The following NIBAN1 variants were observed in gnomAD, a reference collection of about 807,000 sequenced individuals.
NIBAN1 encodes the protein niban apoptosis regulator 1, also known as protein Niban 1.
In NIBAN1, 81 loss-of-function variants were observed where a neutral mutation model predicts 75.1. The observed-to-expected ratio is 1.08, with a 90% CI of 0.90 to 1.30. NIBAN1 has a LOEUF of 1.30. Ranked by LOEUF, NIBAN1 falls within the 50% of genes most tolerant of loss-of-function variation. NIBAN1 has a pLI of 0.00. For missense variants in NIBAN1, 1,133 were observed against 1,128.1 expected, an observed-to-expected ratio of 1.00 and a Z score of -0.06; for synonymous variants, 436 against 424.8, an observed-to-expected ratio of 1.03 and a Z score of -0.32.
intron 13 of NIBAN1, among the ~76,000 whole-genome samples, chr1:184,797,476 C>T (rs1216484421): frequency 9.2e-5 from 14 of 151,982 alleles, no homozygotes; most frequent in Non-Finnish European, 1.9e-4. Flanking sequence ...TTTTCCTATC[C>T]ACAATCCAAT....
chr1:184,928,723 C>T (rs1657746285), intron 1 of NIBAN1, among the ~76,000 whole-genome samples: 1 of 152,152 alleles, frequency 6.6e-6, no homozygotes, highest in South Asian at 2.1e-4. Context: ...GTGGTATAGG[C>T]AATTCAAGAC....
intron 6 of NIBAN1, among the ~76,000 whole-genome samples, chr1:184,825,483 A>T (rs1654818864): frequency 1.3e-5 from 2 of 152,204 alleles, no homozygotes; most frequent in African/African-American, 4.8e-5. Flanking sequence ...TATTTGGAAC[A>T]TTTATGGGAG....
intron 1 of NIBAN1, among the ~76,000 whole-genome samples, chr1:184,905,544 C>A (rs777309880): frequency 6.6e-6 from 1 of 152,170 alleles, no homozygotes; most frequent in Non-Finnish European, 1.5e-5. Flanking sequence ...TTTCACTCAA[C>A]TTAAGCCTTC....
intron 8 of NIBAN1, among the ~76,000 whole-genome samples, chr1:184,820,793 T>G (rs1445840491): frequency 6.6e-6 from 1 of 152,268 alleles, no homozygotes; most frequent in Non-Finnish European, 1.5e-5. Context: ...AATTTCTGCC[T>G]CAGTATTATC....
At chr1:184,801,349 G>A (rs1036698512) in intron 12 of NIBAN1, among the ~76,000 whole-genome samples, 2 of 152,176 alleles carry the variant, frequency 1.3e-5, no homozygotes, top group African/African-American at 4.8e-5. Flanking sequence ...AGGGTCTAGA[G>A]GCAGGACTGT....
At chr1:184,910,081 A>C (rs571712798) in intron 1 of NIBAN1, among the ~76,000 whole-genome samples, 3 of 152,278 alleles carry the variant, frequency 2.0e-5, no homozygotes, top group African/African-American at 7.2e-5. Flanking sequence ...GAGTTCACCT[A>C]GCACTTAATA....
intron 1 of NIBAN1, among the ~76,000 whole-genome samples, chr1:184,900,428 TCTTTGGATCTG>T (rs2101990144): frequency 6.6e-6 from 1 of 152,312 alleles, no homozygotes; most frequent in African/African-American, 2.4e-5. Flanking sequence ...TCTACACATT[TCTTTGGATCTG>T]CATGCCATTG....
chr1:184,795,546 C>T lies in NIBAN1; in HGVS notation c.2218G>A (p.Val740Ile), dbSNP rs140276880. ...TCTTCTTCTTCATTTTCTTGGGGAA[C>T]GTGGCTCTCCCCATTCGTATCTTCT... ...MEEDTNGESH[V>I]PQENEEEEEK... Residue 740 changes from valine (V) to isoleucine (I), a missense_variant, in exon 14 of 14, where the codon GTT becomes ATT. Val to Ile is a conservative substitution (Grantham distance 29, BLOSUM62 3). Coordinates refer to ENST00000367511, the MANE Select transcript of NIBAN1 (RefSeq NM_052966.4). The T allele has an allele frequency of 1.7e-4, 280 of 1,614,002 alleles. No individual in the cohort carries two copies. Among genetic ancestry groups the T allele is most frequent in the Admixed American group, 2.2e-4 (13 of 60,004 alleles).
At chr1:184,945,452 T>A (rs1658196859) in intron 1 of NIBAN1, among the ~76,000 whole-genome samples, 1 of 152,236 alleles carries the variant, frequency 6.6e-6, no homozygotes, top group Admixed American at 6.5e-5. Flanking sequence ...CTAGATGGAT[T>A]CTGTCATCAG....
chr1:184,889,231 G>A (rs1002995811), intron 4 of NIBAN1, among the ~76,000 whole-genome samples: 3 of 152,142 alleles, frequency 2.0e-5, no homozygotes, highest in African/African-American at 7.2e-5. Flanking sequence ...GAGAATCAAA[G>A]AAGGTTAGAC....
At chr1:184,885,256 C>G (rs234663) in intron 4 of NIBAN1, among the ~76,000 whole-genome samples, 63,068 of 151,840 alleles carry the variant, frequency 0.42, 13,235 homozygotes, top group South Asian at 0.5. Flanking sequence ...ACCTTGTTGG[C>G]CAGGCTCCTG....
intron 5 of NIBAN1, among the ~76,000 whole-genome samples, chr1:184,841,462 A>G (rs1367040394): frequency 6.6e-6 from 1 of 152,240 alleles, no homozygotes; most frequent in Middle Eastern, 3.2e-3. Context: ...CTCATGCTGG[A>G]TACCAGAATA....
intron 5 of NIBAN1, among the ~76,000 whole-genome samples, chr1:184,840,851 C>T (rs1219328506): frequency 6.6e-6 from 1 of 151,804 alleles, no homozygotes; most frequent in African/African-American, 2.4e-5. Flanking sequence ...GTTAAAACCA[C>T]CCAAATCATG....
At chr1:184,875,563 C>T (rs905957236) in intron 5 of NIBAN1, among the ~76,000 whole-genome samples, 1 of 152,178 alleles carries the variant, frequency 6.6e-6, no homozygotes, top group African/African-American at 2.4e-5. Context: ...AGAAATGATT[C>T]TTTTTGGTGA....
chr1:184,960,367 A>G (rs1658597865), intron 1 of NIBAN1, among the ~76,000 whole-genome samples: 1 of 152,164 alleles, frequency 6.6e-6, no homozygotes, highest in African/African-American at 2.4e-5. Context: ...TTGTTTCTTC[A>G]TCACATCCTG....
intron 5 of NIBAN1, among the ~76,000 whole-genome samples, chr1:184,857,022 A>C (rs1655695267): frequency 1.3e-5 from 2 of 152,206 alleles, no homozygotes; most frequent in African/African-American, 4.8e-5. Context: ...CACAGAGCAC[A>C]GTGTCCTCAT....
chr1:184,940,136 T>C (rs2102046686), intron 1 of NIBAN1, among the ~76,000 whole-genome samples: 1 of 152,236 alleles, frequency 6.6e-6, no homozygotes, highest in African/African-American at 2.4e-5. Context: ...GGTCCTGGGC[T>C]AAGTGGGGAT....
chr1:184,855,542 C>T (rs1655655316), intron 5 of NIBAN1, among the ~76,000 whole-genome samples: 1 of 151,974 alleles, frequency 6.6e-6, no homozygotes, highest in Non-Finnish European at 1.5e-5. Context: ...TAATTCTGTG[C>T]TTCTCTAATA....
intron 5 of NIBAN1, among the ~76,000 whole-genome samples, chr1:184,853,145 T>A (rs1655589730): frequency 6.6e-6 from 1 of 152,198 alleles, no homozygotes; most frequent in Non-Finnish European, 1.5e-5. Flanking sequence ...AAAAAGTAGG[T>A]TCTTCCTAAA....
Sources: allele counts gnomAD v4.1 joint callset (sites outside exome capture counted in the v4.1 genomes callset), GRCh38; gene constraint gnomAD v4.1.1; transcripts MANE v1.5; gene names NCBI Gene and HGNC (gene_info 2026-07-23, HGNC 2026-07-21).